Variants in CRISPLD1 observed in about 807,000 individuals in gnomAD.
CRISPLD1 encodes the protein cysteine rich secretory protein LCCL domain containing 1.
In CRISPLD1, 60 loss-of-function variants were observed where a neutral mutation model predicts 77.5. That is an observed-to-expected ratio of 0.77 (90% CI 0.63 to 0.96). CRISPLD1 has a LOEUF of 0.96. CRISPLD1 is among the 40% of genes least tolerant of loss of function. The pLI is 0.00. For synonymous variants in CRISPLD1, 195 were observed against 200.1 expected (o/e 0.97, Z 0.22); for missense variants, 623 against 615.8 (o/e 1.01, Z -0.12).
rs1021365672 is a variant in CRISPLD1, at chr8:75,034,135, T to G, written c.*1893T>G. 6 of 152,082 alleles carry G rather than the reference T, an allele frequency of 3.9e-5. No individual in the cohort carries two copies. The highest frequency in any genetic ancestry group is 6.5e-5 in the Admixed American group (1 of 15,272). The allele number at this position is 152,082 out of a possible 1,614,324, so 9.4% of individuals were successfully genotyped here. On this transcript the variant is annotated 3_prime_UTR_variant, in exon 15 of 15. Transcript: ENST00000262207. The stretch of plus-strand genomic sequence containing the variant: ...TTCCCAGCCCCAGAACCCTTGAAAT[T>G]AACTCTTCCATGAGTTTTCATTGCT...
At chr8:74,985,061 C>A (rs1812475193) in intron 1 of CRISPLD1, 141 bp downstream of exon 1, 1 of 151,506 alleles carries the variant, frequency 6.6e-6, no homozygotes, top group Admixed American at 6.6e-5. Context: ...GGTGGGCTAC[C>A]CGGAAAGCAG....
chr8:75,029,624 A>C, intron 14 of CRISPLD1, 107 bp downstream of exon 14: 2 of 1,145,326 alleles, frequency 1.7e-6, no homozygotes, highest in Non-Finnish European at 2.5e-6. Context: ...TTTCAAAGTT[A>C]AGTGGCAGAG....
intron 2 of CRISPLD1, among the ~76,000 whole-genome samples, chr8:74,986,991 T>C (rs1414598435): frequency 6.6e-6 from 1 of 152,208 alleles, no homozygotes; most frequent in East Asian, 1.9e-4. Context: ...ATTATATTCC[T>C]TCCATGAATG....
chr8:75,033,401 C>T lies in CRISPLD1; in HGVS notation c.*1159C>T, dbSNP rs901730609. 1 of 151,804 alleles carries T rather than the reference C, an allele frequency of 6.6e-6. No individual in the cohort carries two copies. Among genetic ancestry groups the T allele is most frequent in the Non-Finnish European group, 1.5e-5 (1 of 67,846 alleles). The allele number at this position is 151,804 out of a possible 1,614,324, so 9.4% of individuals were successfully genotyped here. A position where few individuals can be genotyped will look rare whatever the true frequency, so the allele number is the denominator to read the frequency against. ...AAGTCTTCTAAACTTGGTTTATTGA[C>T]GTTAGTATAAATAACATACAATACC... On this transcript the variant is annotated 3_prime_UTR_variant, in exon 15 of 15. Coordinates refer to ENST00000262207, the MANE Select transcript of CRISPLD1 (RefSeq NM_031461.6).
intron 2 of CRISPLD1, among the ~76,000 whole-genome samples, chr8:74,996,746 T>TCTTG (rs1375114387): frequency 3.8e-5 from 5 of 133,148 alleles, no homozygotes; most frequent in African/African-American, 1.4e-4. Context: ...TGAGATAGGA[T>TCTTG]CTTGCTCTGT....
intron 12 of CRISPLD1, among the ~76,000 whole-genome samples, chr8:75,021,619 G>C (rs1240870945): frequency 6.6e-6 from 1 of 152,184 alleles, no homozygotes; most frequent in East Asian, 1.9e-4. Context: ...CCTGTTACTA[G>C]AGCTTGACTA....
chr8:74,996,849 C>G (rs754676229), intron 2 of CRISPLD1, among the ~76,000 whole-genome samples: 4 of 150,362 alleles, frequency 2.7e-5, no homozygotes, highest in Non-Finnish European at 5.9e-5. Flanking sequence ...TCCTGAGTAG[C>G]TGAGACTACA....
chr8:74,992,455 G>T (rs1812586416), intron 2 of CRISPLD1, among the ~76,000 whole-genome samples: 1 of 152,120 alleles, frequency 6.6e-6, no homozygotes, highest in Non-Finnish European at 1.5e-5. Flanking sequence ...TTTTAACATA[G>T]AGTCTCTAAA....
At chr8:75,008,943 A>G (rs1416342369) in intron 2 of CRISPLD1, among the ~76,000 whole-genome samples, 1 of 152,186 alleles carries the variant, frequency 6.6e-6, no homozygotes, top group Non-Finnish European at 1.5e-5. Context: ...AGCAAACTTG[A>G]AACACTTAAA....
At chr8:75,012,602 A>C (rs1461162750) in intron 3 of CRISPLD1, 51 bp downstream of exon 3, 1 of 1,224,418 alleles carries the variant, frequency 8.2e-7, no homozygotes, top group South Asian at 1.2e-5. Flanking sequence ...GTTTAAAATG[A>C]AGTCCTTATT....
chr8:75,017,172 T>C (rs1813046901), intron 9 of CRISPLD1, 59 bp downstream of exon 9: 5 of 1,546,474 alleles, frequency 3.2e-6, no homozygotes, highest in Non-Finnish European at 2.7e-6. Context: ...TATTTGATTT[T>C]TATTGTGCAA....
At chr8:74,988,663 G>A (rs151317077) in intron 2 of CRISPLD1, among the ~76,000 whole-genome samples, 176 of 152,040 alleles carry the variant, frequency 1.2e-3, no homozygotes, top group East Asian at 4.9e-3. Context: ...GTGAAACCCC[G>A]TCTCTACTAA....
At position 75,034,403 on chromosome 8, in the gene CRISPLD1, C is replaced by G. The variant is rs886491182; in HGVS notation, c.*2161C>G. ...ATATGAGGTCAGTGGACGCCATTTT[C>G]TGTTATAATCATTTTTGTTATCTAA... is the stretch of plus-strand genomic sequence containing the variant. On this transcript the variant is annotated 3_prime_UTR_variant, in exon 15 of 15. Coordinates refer to ENST00000262207, the MANE Select transcript of CRISPLD1 (RefSeq NM_031461.6). 2 of 151,930 alleles carry G rather than the reference C, an allele frequency of 1.3e-5. No homozygotes were observed. Among genetic ancestry groups the G allele is most frequent in the South Asian group, 2.1e-4 (1 of 4,820 alleles). The allele number at this position is 151,930 out of a possible 1,614,324, so 9.4% of individuals were successfully genotyped here.
At position 75,016,558 on chromosome 8, in the gene CRISPLD1, C is replaced by T; in HGVS notation, c.728-7C>T. On this transcript the variant is annotated splice_region_variant and splice_polypyrimidine_tract_variant and intron_variant, in intron 6 of 14. Coordinates refer to ENST00000262207, the MANE Select transcript of CRISPLD1 (RefSeq NM_031461.6). ...TTAATATTTCCTAAATCTGCTTTCT[C>T]TAACAGAAGGGTCAGACAGGTATTA... 2 of 1,601,666 alleles carry T rather than the reference C, an allele frequency of 1.2e-6. No homozygotes were observed. The highest frequency in any genetic ancestry group is 1.7e-6 in the Non-Finnish European group (2 of 1,174,574).
At chr8:75,011,015 C>CCTT (rs1812919809) in intron 2 of CRISPLD1, among the ~76,000 whole-genome samples, 1 of 151,942 alleles carries the variant, frequency 6.6e-6, no homozygotes, top group Admixed American at 6.6e-5. Context: ...TTCCCTATTT[C>CCTT]CTTTCTTCCA....
At chr8:75,011,669 A>G (rs1449850041) in intron 2 of CRISPLD1, among the ~76,000 whole-genome samples, 1 of 152,172 alleles carries the variant, frequency 6.6e-6, no homozygotes, top group Non-Finnish European at 1.5e-5. Context: ...TTATTTTAAA[A>G]GAATTTGTCA....
intron 9 of CRISPLD1, 103 bp downstream of exon 9, chr8:75,017,216 CA>C: frequency 6.5e-7 from 1 of 1,536,718 alleles, no homozygotes; most frequent in Non-Finnish European, 8.9e-7. Flanking sequence ...ATATTTTGCT[CA>C]GAAATGTTTA....
intron 2 of CRISPLD1, among the ~76,000 whole-genome samples, chr8:74,992,153 T>C (rs537008499): frequency 6.6e-6 from 1 of 152,292 alleles, no homozygotes; most frequent in East Asian, 1.9e-4. Flanking sequence ...GGTAAGATTA[T>C]ATGAAACAAA....
intron 2 of CRISPLD1, among the ~76,000 whole-genome samples, chr8:74,998,298 G>A (rs1200637974): frequency 1.3e-5 from 2 of 152,126 alleles, no homozygotes; most frequent in East Asian, 3.9e-4. Context: ...AAAAATAGTA[G>A]TTTTGGAGAA....
Sources: allele counts gnomAD v4.1 joint callset (sites outside exome capture counted in the v4.1 genomes callset), GRCh38; gene constraint gnomAD v4.1.1; transcripts MANE v1.5; gene names NCBI Gene and HGNC (gene_info 2026-07-23, HGNC 2026-07-21).